The following WASF2 variants were observed in gnomAD, a reference collection of about 807,000 sequenced individuals.
WASF2 encodes the protein actin-binding protein WASF2.
WASF2 carries 14 observed loss-of-function variants against 45.0 expected under a neutral mutation model. The observed-to-expected ratio is 0.31, with a 90% CI of 0.21 to 0.49. The LOEUF is 0.49. Ranked by LOEUF, WASF2 falls within the 20% of genes least tolerant of loss-of-function variation. WASF2 has a pLI of 0.99. For synonymous variants in WASF2, 200 were observed against 236.3 expected, an observed-to-expected ratio of 0.85 and a Z score of 1.41; for missense variants, 439 against 636.1, an observed-to-expected ratio of 0.69 and a Z score of 3.33.
intron 1 of WASF2, among the ~76,000 whole-genome samples, chr1:27,484,279 T>C (rs939993931): frequency 1.5e-4 from 23 of 152,336 alleles, no homozygotes; most frequent in African/African-American, 5.3e-4. Flanking sequence ...AAGAGTAGCC[T>C]GAGTTTTGAA....
At chr1:27,442,880 A>G (rs1412982659) in intron 1 of WASF2, among the ~76,000 whole-genome samples, 1 of 151,346 alleles carries the variant, frequency 6.6e-6, no homozygotes. Context: ...ACATGCCTGT[A>G]AAACCAGCTA....
At chr1:27,465,796 C>G (rs1481139481) in intron 1 of WASF2, among the ~76,000 whole-genome samples, 1 of 152,148 alleles carries the variant, frequency 6.6e-6, no homozygotes, top group Non-Finnish European at 1.5e-5. Flanking sequence ...GGTCTCTAAA[C>G]ACAATATCGC....
intron 1 of WASF2, among the ~76,000 whole-genome samples, chr1:27,471,851 C>T (rs190368800): frequency 2.4e-4 from 36 of 152,278 alleles, no homozygotes; most frequent in Admixed American, 2.4e-3. Flanking sequence ...ATCAACAAGC[C>T]TTATCAGCTC....
intron 1 of WASF2, among the ~76,000 whole-genome samples, chr1:27,469,671 G>A (rs1237682415): frequency 1.3e-5 from 2 of 152,202 alleles, no homozygotes; most frequent in African/African-American, 2.4e-5. Context: ...ACCAAGCGCA[G>A]TGGCTCATGT....
chr1:27,436,873 G>A (rs1416822749), intron 1 of WASF2, among the ~76,000 whole-genome samples: 1 of 152,178 alleles, frequency 6.6e-6, no homozygotes, highest in Non-Finnish European at 1.5e-5. Context: ...CTGAGAAAAA[G>A]GGCTTACTTG....
rs151098734 is a variant in WASF2 at position 27,442,060 on chromosome 1, T to G, written c.-43-13127A>C. 2.2e-3 allele frequency among the ~76,000 whole-genome samples: 323 copies of G among 150,106 alleles called. 2 individuals are homozygous for G. The highest frequency in any genetic ancestry group is 7.7e-3 in the African/African-American group (314 of 40,844). On this transcript the variant is annotated intron_variant, in intron 1 of 8. Transcript: ENST00000618852. ...GTTTGAGTCTGTGGTGAGCCATGAC[T>G]GATTGCTCCACTGCACTCCAGCCTG... is the stretch of plus-strand genomic sequence containing the variant.
chr1:27,434,356 G>A lies in WASF2; in HGVS notation c.-43-5423C>T, dbSNP rs1322156275. On this transcript the variant is annotated intron_variant, in intron 1 of 8. Transcript: ENST00000618852. ...TTGTGTCCTCATCTACAAAATAAAT[G>A]GACTAAGCTAAACATCTTTTAGAAG... Among the ~76,000 whole-genome samples, 3 of 152,140 alleles carry A rather than the reference G, an allele frequency of 2.0e-5. 1 individual carries two copies. The highest frequency in any genetic ancestry group is 7.2e-5 in the African/African-American group (3 of 41,424).
intron 1 of WASF2, among the ~76,000 whole-genome samples, chr1:27,480,497 C>T (rs987356361): frequency 3.4e-5 from 5 of 148,952 alleles, no homozygotes; most frequent in African/African-American, 1.2e-4. Flanking sequence ...AGCCTGGAAA[C>T]AGAATGAGAC....
chr1:27,441,336 T>C (rs2017225372), intron 1 of WASF2, among the ~76,000 whole-genome samples: 2 of 145,850 alleles, frequency 1.4e-5, no homozygotes, highest in East Asian at 4.1e-4. Flanking sequence ...CTATAAAAAA[T>C]GAAAAACGTG....
intron 1 of WASF2, among the ~76,000 whole-genome samples, chr1:27,444,034 C>T (rs1045344217): frequency 6.6e-6 from 1 of 152,170 alleles, no homozygotes; most frequent in African/African-American, 2.4e-5. Context: ...CCGCCTCAGC[C>T]TCTCAAAGTC....
In WASF2 at chr1:27,454,728, T is replaced by C. The variant is rs148292791; in HGVS notation, c.-43-25795A>G. On this transcript the variant is annotated intron_variant, in intron 1 of 8. Transcript: ENST00000618852. ...TTTTTATTTCTAATATTAACGTATA[T>C]ACCCTTCTGCAACTTTTTGTTCTTG... Among the ~76,000 whole-genome samples, 1,075 of 152,328 alleles carry C rather than the reference T, an allele frequency of 7.1e-3. 8 individuals carry two copies. The highest frequency in any genetic ancestry group is 0.024 in the Middle Eastern group (7 of 294).
intron 1 of WASF2, among the ~76,000 whole-genome samples, chr1:27,481,567 T>C (rs2017850170): frequency 6.6e-6 from 1 of 151,148 alleles, no homozygotes. Context: ...GGCATGGGGG[T>C]GGGCGCCTGT....
At chr1:27,408,422 A>G in intron 8 of WASF2, 76 bp from the exon 9 acceptor site, 2 of 1,574,360 alleles carry the variant, frequency 1.3e-6, no homozygotes, top group Non-Finnish European at 1.7e-6. Context: ...GGTAAGAGGG[A>G]GTGGCCACCA....
intron 1 of WASF2, among the ~76,000 whole-genome samples, chr1:27,473,547 A>G (rs939337981): frequency 6.6e-6 from 1 of 151,938 alleles, no homozygotes; most frequent in Non-Finnish European, 1.5e-5. Flanking sequence ...GTATTGGAAG[A>G]AACAACACAG....
At chr1:27,474,193 C>T (rs1318222318) in intron 1 of WASF2, among the ~76,000 whole-genome samples, 1 of 152,084 alleles carries the variant, frequency 6.6e-6, no homozygotes, top group Non-Finnish European at 1.5e-5. Flanking sequence ...CTTGTTGAGG[C>T]TAGGAGATAG....
chr1:27,405,917 G>GCCCCCCC lies in WASF2; in HGVS notation c.*2271_*2272insGGGGGGG, dbSNP rs2016667447. 1 of 152,286 alleles carries GCCCCCCC rather than the reference G, an allele frequency of 6.6e-6. No homozygotes were observed. The highest frequency in any genetic ancestry group is 1.5e-5 in the Non-Finnish European group (1 of 67,978). 9.4% of individuals were successfully genotyped at this position (152,286 alleles called of 1,614,324 possible). On this transcript the variant is annotated 3_prime_UTR_variant, in exon 9 of 9. Transcript: ENST00000618852. ...GCAGTGCCCCTCCCCACCTCCTCCT[G>GCCCCCCC]CCCCCAGCCCTTTCCACGATGGACT...
intron 1 of WASF2, among the ~76,000 whole-genome samples, chr1:27,443,629 A>T (rs1166340774): frequency 6.6e-6 from 1 of 152,138 alleles, no homozygotes; most frequent in Non-Finnish European, 1.5e-5. Context: ...ACAAAAAAAA[A>T]TTTAATATAG....
intron 1 of WASF2, among the ~76,000 whole-genome samples, chr1:27,442,990 CAAAA>C (rs782114128): frequency 1.6e-5 from 1 of 64,238 alleles, no homozygotes. Context: ...GACTCTGTCT[CAAAA>C]AAAAAAAAAA....
In WASF2 at chr1:27,427,010, T is replaced by C. The variant is rs1275581259; in HGVS notation, c.130+1751A>G. ...ATTCTCTCCTCTTAGGAATTATTTA[T>C]TTCTGCCTCCCCTTGTAGATTATGA... On this transcript the variant is annotated intron_variant, in intron 2 of 8. Coordinates refer to ENST00000618852, the MANE Select transcript of WASF2 (RefSeq NM_006990.5). Among the ~76,000 whole-genome samples, 4 of 152,342 alleles carry C rather than the reference T, an allele frequency of 2.6e-5. No individual in the cohort carries two copies. The East Asian group carries it at 7.7e-4, about 29-fold the overall frequency.
Sources: allele counts gnomAD v4.1 joint callset (sites outside exome capture counted in the v4.1 genomes callset), GRCh38; gene constraint gnomAD v4.1.1; transcripts MANE v1.5; gene names NCBI Gene and HGNC (gene_info 2026-07-23, HGNC 2026-07-21).